DPY19L2: variants seen among roughly 807,000 people sequenced by gnomAD.
DPY19L2 encodes dpy-19 like 2, also known as probable C-mannosyltransferase DPY19L2.
Under a neutral mutation model 97.9 loss-of-function variants are expected in DPY19L2, and 34 were observed. That is an observed-to-expected ratio of 0.35 (90% CI 0.26 to 0.46). The LOEUF is 0.46. DPY19L2 is among the 20% of genes least tolerant of loss of function. The pLI is 1.00. For synonymous variants in DPY19L2, 230 were observed against 307.9 expected (o/e 0.75, Z 2.65); for missense variants, 623 against 911.4 (o/e 0.68, Z 4.07).
chr12:63,592,927 T>C (rs1883400640), intron 16 of DPY19L2, among the ~76,000 whole-genome samples: 1 of 150,948 alleles, frequency 6.6e-6, no homozygotes, highest in South Asian at 2.1e-4. Context: ...TACAATGAAC[T>C]CAAACAAATT....
At chr12:63,592,157 G>A (rs1883203287) in intron 16 of DPY19L2, among the ~76,000 whole-genome samples, 1 of 143,838 alleles carries the variant, frequency 7.0e-6, no homozygotes, top group African/African-American at 2.6e-5. Flanking sequence ...AGAGAAGGAA[G>A]GAAGGCAGGA....
intron 11 of DPY19L2, among the ~76,000 whole-genome samples, chr12:63,610,458 A>G (rs578065835): frequency 6.6e-6 from 1 of 152,058 alleles, no homozygotes; most frequent in African/African-American, 2.4e-5. Context: ...TAAAATACCA[A>G]GAAAAATAGA....
In DPY19L2 at chr12:63,661,383, A is replaced by G. The variant is rs568748023; in HGVS notation, c.549T>C (p.Leu183=). ...IMNDRLTEYP[L]IINAIKRFHL... Reference sequence around the variant, plus strand: ...GGAAGCGTTTTATTGCATTAATTATAAGAGGATATTCAGTAAGCCTGTCAT... The same window carrying G: ...GGAAGCGTTTTATTGCATTAATTATGAGAGGATATTCAGTAAGCCTGTCAT... Residue 183 remains leucine (L), a synonymous_variant, in exon 4 of 22, where the codon CTT becomes CTC. Coordinates refer to ENST00000324472, the MANE Select transcript of DPY19L2 (RefSeq NM_173812.5). 1 of 1,594,296 alleles carries G rather than the reference A, an allele frequency of 6.3e-7. No individual in the cohort carries two copies. Among genetic ancestry groups the G allele is most frequent in the Admixed American group, 1.9e-5 (1 of 53,774 alleles).
chr12:63,572,298 G>A (rs973147984), intron 19 of DPY19L2, among the ~76,000 whole-genome samples: 19 of 152,186 alleles, frequency 1.2e-4, no homozygotes, highest in Non-Finnish European at 2.2e-4. Flanking sequence ...CCTCCCATGG[G>A]CCTGTGGTAG....
chr12:63,668,512 G>A (rs1402443971), upstream of DPY19L2: 24 of 1,064,412 alleles, frequency 2.3e-5, 1 homozygote, highest in Admixed American at 2.9e-5. Flanking sequence ...CAGCCGTTGC[G>A]GACCTCCCGG....
At chr12:63,619,684 TAG>T (rs1405789410) in intron 9 of DPY19L2, among the ~76,000 whole-genome samples, 1 of 151,956 alleles carries the variant, frequency 6.6e-6, no homozygotes, top group African/African-American at 2.4e-5. Context: ...TTTGTATTTT[TAG>T]TAGAGATGGG....
At chr12:63,663,231 G>C (rs1335049789) in intron 3 of DPY19L2, among the ~76,000 whole-genome samples, 6 of 152,096 alleles carry the variant, frequency 3.9e-5, no homozygotes, top group Non-Finnish European at 8.8e-5. Flanking sequence ...TTTGGCATTT[G>C]CTATCCCGCT....
At chr12:63,658,669 C>T (rs1895285070) in intron 4 of DPY19L2, among the ~76,000 whole-genome samples, 1 of 152,170 alleles carries the variant, frequency 6.6e-6, no homozygotes, top group Admixed American at 6.5e-5. Context: ...CAAACTATCT[C>T]TCTCCTGTGG....
intron 19 of DPY19L2, among the ~76,000 whole-genome samples, chr12:63,572,272 C>T (rs1326336833): frequency 1.3e-5 from 2 of 152,036 alleles, no homozygotes; most frequent in Non-Finnish European, 2.9e-5. Context: ...TGAATGTCGG[C>T]GGTAGCCAGG....
intron 4 of DPY19L2, among the ~76,000 whole-genome samples, chr12:63,650,445 A>G (rs886582177): frequency 6.6e-6 from 1 of 152,178 alleles, no homozygotes; most frequent in Non-Finnish European, 1.5e-5. Flanking sequence ...AAAAGCTCCT[A>G]GATATGTCTT....
chr12:63,582,185 T>C (rs1881052184), intron 18 of DPY19L2, among the ~76,000 whole-genome samples: 1 of 152,080 alleles, frequency 6.6e-6, no homozygotes, highest in Admixed American at 6.6e-5. Flanking sequence ...TCACTTGTTA[T>C]AGAAATATCA....
chr12:63,592,015 G>GAACT (rs1883105705), intron 16 of DPY19L2, among the ~76,000 whole-genome samples: 1 of 11,728 alleles, frequency 8.5e-5, no homozygotes, highest in African/African-American at 4.0e-4. Flanking sequence ...GGAGGGGAGG[G>GAACT]GAGGGGAGGG....
intron 6 of DPY19L2, among the ~76,000 whole-genome samples, chr12:63,640,217 A>T (rs183647800): frequency 1.4e-4 from 21 of 152,126 alleles, no homozygotes; most frequent in African/African-American, 5.1e-4. Context: ...TGGGGGAAGA[A>T]GGAGGGATAG....
chr12:63,665,668 T>C (rs1217334305), intron 2 of DPY19L2, among the ~76,000 whole-genome samples, 167 bp downstream of exon 2: 1 of 152,180 alleles, frequency 6.6e-6, no homozygotes, highest in Non-Finnish European at 1.5e-5. Context: ...TTGTAAATGC[T>C]GTTTCACATA....
In DPY19L2 at chr12:63,667,964, C is replaced by T. The variant is rs867192943; in HGVS notation, c.337+93G>A. On this transcript the variant is annotated intron_variant, in intron 1 of 21. Coordinates refer to ENST00000324472, the MANE Select transcript of DPY19L2 (RefSeq NM_173812.5). ...CCTTGCTATTATTTCCTACTAGGCA[C>T]CCACAAACCCTTGCTTGTTAAACTG... 4.2e-6 allele frequency: 6 copies of T among 1,435,962 alleles called. No individual in the cohort carries two copies. The South Asian group carries it at 5.5e-5, about 13-fold the overall frequency. The allele number at this position is 1,435,962 out of a possible 1,614,324, so 89.0% of individuals were successfully genotyped here.
chr12:63,635,650 CA>C (rs1198408265), intron 6 of DPY19L2, among the ~76,000 whole-genome samples: 3 of 152,068 alleles, frequency 2.0e-5, no homozygotes, highest in Admixed American at 6.6e-5. Flanking sequence ...GCACAAGCTT[CA>C]GTAGCCGATT....
chr12:63,574,897 G>A (rs1358049890), intron 19 of DPY19L2, among the ~76,000 whole-genome samples: 1 of 151,860 alleles, frequency 6.6e-6, no homozygotes, highest in Non-Finnish European at 1.5e-5. Flanking sequence ...CAGTGGACAG[G>A]TCATCTAGAC....
At chr12:63,588,731 C>A (rs1592455478) in intron 16 of DPY19L2, among the ~76,000 whole-genome samples, 1 of 147,234 alleles carries the variant, frequency 6.8e-6, no homozygotes, top group Non-Finnish European at 1.5e-5. Context: ...TTATATAAAC[C>A]AAAAGGAAAC....
Position 63,600,327 on chromosome 12 carries a change from T to G in DPY19L2, c.1338A>C (p.Lys446Asn). The change falls in exon 13 of 22, where the codon AAA (lysine) becomes AAC (asparagine). Residue 446 changes from lysine (K) to asparagine (N), a missense_variant. Lys to Asn is a moderately conservative substitution (Grantham distance 94, BLOSUM62 0). Coordinates refer to ENST00000324472, the MANE Select transcript of DPY19L2 (RefSeq NM_173812.5). ...GTIILKFLTS[K>N]ILGVSDHIRL... ...TTACGTGGTCTGAAACGCCTAAGAT[T>G]TTAGATGTCAGAAATTTCAAAATGA... is the stretch of plus-strand genomic sequence containing the variant. 1.9e-6 allele frequency: 3 copies of G among 1,608,846 alleles called. No individual in the cohort carries two copies. The highest frequency in any genetic ancestry group is 2.5e-6 in the Non-Finnish European group (3 of 1,177,244).
Sources: gnomAD v4.1 joint callset for allele counts (sites outside exome capture counted in the v4.1 genomes callset) on GRCh38, gnomAD v4.1.1 for gene constraint, MANE v1.5 for transcripts, NCBI Gene and HGNC (gene_info 2026-07-23, HGNC 2026-07-21) for gene names.